The following UBE2R2 variants were observed in gnomAD, a reference collection of about 807,000 sequenced individuals.
The protein encoded by UBE2R2 is ubiquitin conjugating enzyme E2 R2.
In UBE2R2, 1 loss-of-function variant was observed where a neutral mutation model predicts 27.8. The ratio of observed to expected loss-of-function variants is 0.04; its 90% CI spans 0.01 to 0.17. The LOEUF is 0.17. Among genes scored for constraint, UBE2R2 ranks in the 10% least tolerant of loss-of-function variants. The pLI, the probability that UBE2R2 is intolerant of heterozygous loss-of-function variation, is 1.00. For synonymous variants in UBE2R2, 106 were observed against 113.3 expected (o/e 0.94, Z 0.41); for missense variants, 100 against 291.0 (o/e 0.34, Z 4.78).
chr9:33,851,479 TC>T (rs1182953690), intron 1 of UBE2R2, among the ~76,000 whole-genome samples: 1 of 152,218 alleles, frequency 6.6e-6, no homozygotes, highest in Non-Finnish European at 1.5e-5. Flanking sequence ...CTGTAATTGT[TC>T]CTTAGTCATG....
chr9:33,824,291 A>T (rs1033702816), intron 1 of UBE2R2, among the ~76,000 whole-genome samples: 1 of 151,958 alleles, frequency 6.6e-6, no homozygotes, highest in Non-Finnish European at 1.5e-5. Context: ...CAGGAGTTCA[A>T]GACCAGCCTG....
At position 33,917,329 on chromosome 9, in the gene UBE2R2, C is replaced by T; in HGVS notation, c.*92C>T. The T allele has an allele frequency of 6.4e-7, 1 of 1,561,126 alleles. No homozygotes were observed. The highest frequency in any genetic ancestry group is 8.6e-7 in the Non-Finnish European group (1 of 1,158,140). Reference sequence around the variant, plus strand: ...CCTGGCCATGGCCCCTCAGCAAAAACCTATTCACAGCGGGTGGGGAAACAC... The same window carrying T: ...CCTGGCCATGGCCCCTCAGCAAAAATCTATTCACAGCGGGTGGGGAAACAC... On this transcript the variant is annotated 3_prime_UTR_variant, in exon 5 of 5. Coordinates refer to ENST00000263228, the MANE Select transcript of UBE2R2 (RefSeq NM_017811.4).
intron 1 of UBE2R2, among the ~76,000 whole-genome samples, chr9:33,877,799 C>G (rs902300239): frequency 3.3e-4 from 48 of 145,228 alleles, no homozygotes; most frequent in African/African-American, 1.0e-3. Context: ...TTTTGCCCCT[C>G]TCTGTCTGTC....
At position 33,918,247 on chromosome 9, in the gene UBE2R2, T is replaced by TTAAG. The variant is rs1412138347; in HGVS notation, c.*1013_*1016dup. ...TACCATGACGTTTTGTTTTTGTTTT[T>TTAAG]TAAGTAGCCACTTTTAATTACTCAG... On this transcript the variant is annotated 3_prime_UTR_variant, in exon 5 of 5. Coordinates refer to ENST00000263228, the MANE Select transcript of UBE2R2 (RefSeq NM_017811.4). 1 of 152,168 alleles carries TTAAG rather than the reference T, an allele frequency of 6.6e-6. No homozygotes were observed. Among genetic ancestry groups the TTAAG allele is most frequent in the East Asian group, 1.9e-4 (1 of 5,188 alleles). 9.4% of individuals were successfully genotyped at this position (152,168 alleles called of 1,614,324 possible). A position where few individuals can be genotyped will look rare whatever the true frequency, so the allele number is the denominator to read the frequency against.
chr9:33,846,092 C>G (rs1257093042), intron 1 of UBE2R2, among the ~76,000 whole-genome samples: 1 of 150,156 alleles, frequency 6.7e-6, no homozygotes, highest in African/African-American at 2.5e-5. Flanking sequence ...CGCCACTGCC[C>G]TCCAGCCTGG....
In UBE2R2 at chr9:33,911,956, G is replaced by T. The variant is rs756756702; in HGVS notation, c.363-8G>T. ...TATTCATAGCTGATCCTTTTTTCCT[G>T]TTTCTAGGACTATCCTATTAAGTGT... On this transcript the variant is annotated splice_region_variant and splice_polypyrimidine_tract_variant and intron_variant, in intron 3 of 4. Transcript: ENST00000263228. 5 of 1,601,220 alleles carry T rather than the reference G, an allele frequency of 3.1e-6. No individual in the cohort carries two copies. Among genetic ancestry groups the T allele is most frequent in the Admixed American group, 3.5e-5 (2 of 57,332 alleles).
chr9:33,886,738 C>A (rs536968652), intron 1 of UBE2R2, 143 bp from the exon 2 acceptor site: 1 of 538,876 alleles, frequency 1.9e-6, no homozygotes, highest in Non-Finnish European at 3.0e-6. Context: ...CTGGGGATAA[C>A]AAAGTATGTC....
chr9:33,887,039 T>C, intron 2 of UBE2R2, 72 bp downstream of exon 2: 2 of 1,239,864 alleles, frequency 1.6e-6, no homozygotes, highest in Non-Finnish European at 2.3e-6. Flanking sequence ...ATAGCCTATC[T>C]CAGCACACTT....
intron 1 of UBE2R2, among the ~76,000 whole-genome samples, chr9:33,866,270 G>A (rs1769719): frequency 0.061 from 8,971 of 147,642 alleles, 612 homozygotes; most frequent in African/African-American, 0.17. Context: ...ACAGAGTCTT[G>A]CTCCCTCACC....
intron 1 of UBE2R2, among the ~76,000 whole-genome samples, chr9:33,847,747 ATTTTTTTT>A (rs367991925): frequency 9.5e-6 from 1 of 105,046 alleles, no homozygotes; most frequent in Non-Finnish European, 1.9e-5. Context: ...TTGACCTGAA[ATTTTTTTT>A]TTTTTTTTTT....
chr9:33,852,833 C>A (rs1228325239), intron 1 of UBE2R2, among the ~76,000 whole-genome samples: 5 of 152,042 alleles, frequency 3.3e-5, no homozygotes, highest in Non-Finnish European at 7.4e-5. Flanking sequence ...TATGGTGTAA[C>A]CCTGTCTCTA....
Position 33,817,741 on chromosome 9 carries a change from C to A in UBE2R2, c.-17C>A. On this transcript the variant is annotated 5_prime_UTR_variant, in exon 1 of 5. Transcript: ENST00000263228. ...CTGGGGCCCGGGCCCGGCGCCGCCG[C>A]CGCCGCCGCCGCCGCGATGGCCCAG... The A allele has an allele frequency of 6.6e-7, 1 of 1,507,648 alleles. No homozygotes were observed. The highest frequency in any genetic ancestry group is 8.9e-7 in the Non-Finnish European group (1 of 1,128,032). The allele number at this position is 1,507,648 out of a possible 1,614,324, so 93.4% of individuals were successfully genotyped here. A position where few individuals can be genotyped will look rare whatever the true frequency, so the allele number is the denominator to read the frequency against.
At chr9:33,831,681 A>C (rs1023740346) in intron 1 of UBE2R2, among the ~76,000 whole-genome samples, 1 of 151,820 alleles carries the variant, frequency 6.6e-6, no homozygotes, top group African/African-American at 2.4e-5. Flanking sequence ...TGTTTTTGAG[A>C]CGGAGTCTCA....
At chr9:33,868,693 A>C (rs1419202119) in intron 1 of UBE2R2, 1 of 152,128 alleles carries the variant, frequency 6.6e-6, no homozygotes, top group African/African-American at 2.4e-5. Context: ...CCTCCCCCCA[A>C]AAAATATGTC....
intron 1 of UBE2R2, among the ~76,000 whole-genome samples, chr9:33,880,749 A>G (rs945894703): frequency 6.6e-6 from 1 of 152,194 alleles, no homozygotes; most frequent in Non-Finnish European, 1.5e-5. Flanking sequence ...CTCAGCCTCC[A>G]GTCAGATCAG....
At chr9:33,896,953 G>GTT (rs35702790) in intron 2 of UBE2R2, among the ~76,000 whole-genome samples, 4 of 128,168 alleles carry the variant, frequency 3.1e-5, no homozygotes, top group African/African-American at 8.4e-5. Context: ...TGTTTTTTGT[G>GTT]TTTTTTTTTT....
At chr9:33,832,033 G>A (rs1362246685) in intron 1 of UBE2R2, among the ~76,000 whole-genome samples, 2 of 152,018 alleles carry the variant, frequency 1.3e-5, no homozygotes, top group East Asian at 3.9e-4. Context: ...TTTAGGCCGG[G>A]TGCAGTGCCT....
At position 33,916,888 on chromosome 9, in the gene UBE2R2, A is replaced by G. The variant is rs1822658252; in HGVS notation, c.498-130A>G. The G allele has an allele frequency of 6.5e-6, 9 of 1,385,640 alleles. No homozygotes were observed. The Admixed American group carries it at 1.0e-4, about 16-fold the overall frequency. 85.8% of individuals were successfully genotyped at this position (1,385,640 alleles called of 1,614,324 possible). A position where few individuals can be genotyped will look rare whatever the true frequency, so the allele number is the denominator to read the frequency against. On this transcript the variant is annotated intron_variant, in intron 4 of 4. Transcript: ENST00000263228. ...TTTGGTGTAGTACAGGGTATCTGTC[A>G]GATGCTTTCAGGCAGGTACTGAAGT...
chr9:33,839,133 A>G (rs1268732711), intron 1 of UBE2R2, among the ~76,000 whole-genome samples: 3 of 152,004 alleles, frequency 2.0e-5, no homozygotes, highest in African/African-American at 7.3e-5. Context: ...CCCAAAAGAC[A>G]TATGTTGAAA....
Sources: allele counts gnomAD v4.1 joint callset (sites outside exome capture counted in the v4.1 genomes callset), GRCh38; gene constraint gnomAD v4.1.1; transcripts MANE v1.5; gene names NCBI Gene and HGNC (gene_info 2026-07-23, HGNC 2026-07-21).